Variants in DPYD observed in about 807,000 individuals in gnomAD.
The protein encoded by DPYD is dihydropyrimidine dehydrogenase [NADP(+)].
In DPYD, 109 loss-of-function variants were observed where a neutral mutation model predicts 116.2. The ratio of observed to expected loss-of-function variants is 0.94; its 90% confidence interval spans 0.80 to 1.10. The LOEUF (loss-of-function observed/expected upper bound fraction) is 1.10, where lower values mean the gene tolerates loss of function less well. DPYD is among the 50% of genes least tolerant of loss of function. DPYD has a pLI of 0.00. For missense variants in DPYD, 1,302 were observed against 1,254.5 expected (o/e 1.04, Z -0.57); for synonymous variants, 440 against 432.0 (o/e 1.02, Z -0.23).
At chr1:97,084,636 G>A (rs1290627790) in intron 21 of DPYD, among the ~76,000 whole-genome samples, 1 of 152,010 alleles carries the variant, frequency 6.6e-6, no homozygotes, top group Admixed American at 6.6e-5. Flanking sequence ...TTTAATAGTT[G>A]ATGATGTGAC....
intron 16 of DPYD, among the ~76,000 whole-genome samples, chr1:97,349,489 C>T (rs1044737083): frequency 4.6e-5 from 7 of 152,062 alleles, no homozygotes; most frequent in Admixed American, 2.6e-4. Flanking sequence ...AATGCTATCC[C>T]TCGCCCCTGC....
chr1:97,290,052 G>GACAA (rs1247108675), intron 18 of DPYD, among the ~76,000 whole-genome samples: 5 of 151,834 alleles, frequency 3.3e-5, no homozygotes, highest in Admixed American at 1.3e-4. Flanking sequence ...ACCAATAACA[G>GACAA]ACAGAGAGCC....
intron 16 of DPYD, among the ~76,000 whole-genome samples, chr1:97,342,089 A>T (rs1669614511): frequency 6.6e-6 from 1 of 152,206 alleles, no homozygotes; most frequent in South Asian, 2.1e-4. Flanking sequence ...GAGTCAATGA[A>T]TTTATTTCAG....
chr1:97,318,300 G>A (rs1667992934), intron 16 of DPYD, among the ~76,000 whole-genome samples: 1 of 124,902 alleles, frequency 8.0e-6, no homozygotes, highest in Admixed American at 8.4e-5. Context: ...TGGATAAAGA[G>A]TCAAGACCCA....
chr1:97,115,620 A>G (rs1480337463), intron 20 of DPYD, among the ~76,000 whole-genome samples: 1 of 152,186 alleles, frequency 6.6e-6, no homozygotes, highest in Non-Finnish European at 1.5e-5. Flanking sequence ...TATAATGAGG[A>G]AAATGTTCTT....
At chr1:97,910,614 G>T (rs1228655179) in intron 1 of DPYD, among the ~76,000 whole-genome samples, 1 of 152,048 alleles carries the variant, frequency 6.6e-6, no homozygotes, top group African/African-American at 2.4e-5. Flanking sequence ...ACTAGTAAGT[G>T]GCAGAGCTAG....
chr1:97,231,214 A>G (rs1661568258), intron 19 of DPYD, among the ~76,000 whole-genome samples: 1 of 152,192 alleles, frequency 6.6e-6, no homozygotes, highest in Admixed American at 6.5e-5. Flanking sequence ...GGCATGGAAG[A>G]CTTGCGTATT....
chr1:97,748,452 C>T, intron 3 of DPYD, among the ~76,000 whole-genome samples: 1 of 151,920 alleles, frequency 6.6e-6, no homozygotes, highest in Non-Finnish European at 1.5e-5. Context: ...ACTAAAAATT[C>T]AAAAAAATTA....
intron 12 of DPYD, among the ~76,000 whole-genome samples, chr1:97,532,250 G>T (rs976643984): frequency 1.3e-5 from 2 of 152,000 alleles, no homozygotes. Flanking sequence ...CATAGAATAT[G>T]ATCTTTTTAA....
intron 16 of DPYD, among the ~76,000 whole-genome samples, chr1:97,336,290 C>A (rs1043667231): frequency 2.0e-5 from 3 of 152,084 alleles, no homozygotes; most frequent in Non-Finnish European, 4.4e-5. Context: ...GAGCCCAAAT[C>A]AATTTTGAAA....
At chr1:97,494,471 T>A (rs1183853028) in intron 13 of DPYD, among the ~76,000 whole-genome samples, 2 of 152,242 alleles carry the variant, frequency 1.3e-5, no homozygotes, top group African/African-American at 4.8e-5. Flanking sequence ...ATTTGCAATT[T>A]CATTGCAATT....
At chr1:97,664,634 G>A (rs145973941) in intron 8 of DPYD, among the ~76,000 whole-genome samples, 1 of 151,958 alleles carries the variant, frequency 6.6e-6, no homozygotes, top group East Asian at 1.9e-4. Flanking sequence ...TCTTATTAGA[G>A]GTCTTAGTAG....
At chr1:97,713,106 A>C (rs1662387423) in intron 5 of DPYD, among the ~76,000 whole-genome samples, 1 of 152,026 alleles carries the variant, frequency 6.6e-6, no homozygotes. Flanking sequence ...TTTGAAGATA[A>C]ATGGGTGGCT....
chr1:97,384,522 C>A (rs1321441197), intron 14 of DPYD, among the ~76,000 whole-genome samples: 1 of 152,008 alleles, frequency 6.6e-6, no homozygotes, highest in African/African-American at 2.4e-5. Context: ...GGTTTAGGAG[C>A]AAGGGGTTGC....
At chr1:97,513,893 GA>G (rs559313349) in intron 13 of DPYD, among the ~76,000 whole-genome samples, 155 of 151,912 alleles carry the variant, frequency 1.0e-3, no homozygotes, top group Non-Finnish European at 1.8e-3. Context: ...ATCACGTATG[GA>G]AAATAATCTT....
At chr1:97,832,322 G>T (rs542592161) in intron 2 of DPYD, among the ~76,000 whole-genome samples, 2 of 152,022 alleles carry the variant, frequency 1.3e-5, no homozygotes, top group African/African-American at 4.8e-5. Context: ...CAAACTCCTC[G>T]CGAGTCCGCT....
At chr1:97,740,707 TCA>T (rs1664218520) in intron 3 of DPYD, among the ~76,000 whole-genome samples, 1 of 152,164 alleles carries the variant, frequency 6.6e-6, no homozygotes, top group Non-Finnish European at 1.5e-5. Flanking sequence ...GTCCCTCCTC[TCA>T]GAGTTCCTTC....
chr1:97,692,201 C>G (rs1356468456), intron 6 of DPYD, among the ~76,000 whole-genome samples: 1 of 151,774 alleles, frequency 6.6e-6, no homozygotes. Context: ...TATATGTATA[C>G]ACATATATAT....
At chr1:97,210,282 C>A (rs1659953931) in intron 19 of DPYD, among the ~76,000 whole-genome samples, 1 of 151,932 alleles carries the variant, frequency 6.6e-6, no homozygotes, top group Non-Finnish European at 1.5e-5. Context: ...TTTTATAGAC[C>A]ATTTACTTAT....
Sources: allele counts gnomAD v4.1 joint callset (sites outside exome capture counted in the v4.1 genomes callset), GRCh38; gene constraint gnomAD v4.1.1; transcripts MANE v1.5; gene names NCBI Gene and HGNC (gene_info 2026-07-23, HGNC 2026-07-21).